SPATA1: variants seen among roughly 807,000 people sequenced by gnomAD.
SPATA1 encodes spermatogenesis-associated protein 1.
A neutral mutation model predicts 59.6 loss-of-function variants in SPATA1; 57 were observed. The ratio of observed to expected loss-of-function variants is 0.96; its 90% CI spans 0.77 to 1.19. The LOEUF (loss-of-function observed/expected upper bound fraction) is 1.19. SPATA1 is among the 50% of genes most tolerant of loss of function. The pLI, the probability that SPATA1 is intolerant of heterozygous loss-of-function variation, is 0.00. For synonymous variants in SPATA1, 147 were observed against 163.9 expected, an observed-to-expected ratio of 0.90 and a Z score of 0.79; for missense variants, 448 against 480.7, an observed-to-expected ratio of 0.93 and a Z score of 0.64.
At chr1:84,516,739 T>TC (rs2101925645) in intron 2 of SPATA1, among the ~76,000 whole-genome samples, 1 of 152,330 alleles carries the variant, frequency 6.6e-6, no homozygotes, top group African/African-American at 2.4e-5. Flanking sequence ...CTCTCTCACT[T>TC]CATTGTGCTG....
intron 6 of SPATA1, among the ~76,000 whole-genome samples, chr1:84,531,993 G>C (rs1218388951): frequency 6.6e-6 from 1 of 152,110 alleles, no homozygotes; most frequent in Non-Finnish European, 1.5e-5. Flanking sequence ...TGTTTATATA[G>C]ACCATGTGGA....
chr1:84,508,140 G>A (rs564863930), intron 1 of SPATA1, among the ~76,000 whole-genome samples: 5 of 152,104 alleles, frequency 3.3e-5, no homozygotes, highest in Non-Finnish European at 7.4e-5. Context: ...TTAGCTGGGC[G>A]TGGTGGTGCG....
chr1:84,562,457 A>AT (rs1055369709), intron 4 of SPATA1, among the ~76,000 whole-genome samples: 2 of 152,174 alleles, frequency 1.3e-5, no homozygotes, highest in African/African-American at 4.8e-5. Flanking sequence ...GTTTGCAGTC[A>AT]TTTTTTTATA....
At chr1:84,513,535 A>AGCT (rs1233267770) in intron 1 of SPATA1, among the ~76,000 whole-genome samples, 1 of 152,270 alleles carries the variant, frequency 6.6e-6, no homozygotes, top group African/African-American at 2.4e-5. Flanking sequence ...AGCAACATAG[A>AGCT]GCAGCAGTGG....
Position 84,510,289 on chromosome 1 carries a change from T to TA in SPATA1, c.-138+3873dup, listed in dbSNP as rs1682479430. 3.3e-5 allele frequency among the ~76,000 whole-genome samples: 5 copies of TA among 152,164 alleles called. No homozygotes were observed. In the South Asian group the frequency reaches 6.2e-4, roughly 19 times the overall value. ...ATAAAGGATTTATAACCAGAATATATAAGGAGCTCAACTATATAGGAAAAA... is the reference window on the plus strand; with the variant it reads ...ATAAAGGATTTATAACCAGAATATATAAAGGAGCTCAACTATATAGGAAAAA... On this transcript the variant is annotated intron_variant, in intron 1 of 12. Transcript: ENST00000490879.
chr1:84,552,234 G>T (rs1363224523), intron 12 of SPATA1: 1 of 152,242 alleles, frequency 6.6e-6, no homozygotes, highest in South Asian at 2.1e-4. Context: ...ATTTATTCAA[G>T]ATAGTATAGC....
intron 4 of SPATA1, chr1:84,563,330 A>G: frequency 1.3e-6 from 2 of 1,599,780 alleles, no homozygotes; most frequent in Non-Finnish European, 1.7e-6. Context: ...TATTTGCTTC[A>G]TGATCGTTTT....
chr1:84,530,900 T>C (rs1335760668), intron 6 of SPATA1, among the ~76,000 whole-genome samples: 1 of 152,216 alleles, frequency 6.6e-6, no homozygotes, highest in Non-Finnish European at 1.5e-5. Context: ...TTTGCTTAAA[T>C]TCCTCCTACT....
chr1:84,561,203 A>C (rs1478995622), intron 4 of SPATA1, among the ~76,000 whole-genome samples: 24 of 152,216 alleles, frequency 1.6e-4, no homozygotes. Context: ...TCAAAATATC[A>C]ACATTAACAG....
chr1:84,541,117 A>C lies in SPATA1; in HGVS notation c.718-3085A>C, dbSNP rs903355438. ...TTGATTTTCTTTGTAAACTGACTTG[A>C]GTATTTTTGCCTGGAAGGTCAGAGA... On this transcript the variant is annotated intron_variant, in intron 8 of 12. Transcript: ENST00000490879. 2.6e-5 allele frequency among the ~76,000 whole-genome samples: 4 copies of C among 152,320 alleles called. No homozygotes were observed. In the East Asian group the frequency reaches 7.7e-4, roughly 29 times the overall value.
intron 2 of SPATA1, among the ~76,000 whole-genome samples, chr1:84,517,802 C>T (rs1430234219): frequency 6.6e-6 from 1 of 152,064 alleles, no homozygotes; most frequent in African/African-American, 2.4e-5. Flanking sequence ...ACCTTTACTG[C>T]TAGCACGTGA....
At chr1:84,529,880 C>T (rs1174489281) in intron 6 of SPATA1, among the ~76,000 whole-genome samples, 7 of 145,288 alleles carry the variant, frequency 4.8e-5, no homozygotes, top group African/African-American at 1.5e-4. Context: ...TTTTGGAGAC[C>T]GAGTCTCGCT....
intron 8 of SPATA1, among the ~76,000 whole-genome samples, chr1:84,535,484 T>C (rs959003108): frequency 2.0e-5 from 3 of 152,166 alleles, no homozygotes; most frequent in African/African-American, 7.2e-5. Context: ...ACAATATATT[T>C]CTCTATTTAT....
exon 9 of SPATA1, chr1:84,544,211 A>G (rs12143652): frequency 0.23 from 358,559 of 1,592,274 alleles, 42,140 homozygotes; most frequent in South Asian, 0.36. Flanking sequence ...GACAGCTGAA[A>G]AAGAGTACAT....
At chr1:84,514,730 G>A (rs755445560) in intron 1 of SPATA1, among the ~76,000 whole-genome samples, 5 of 152,158 alleles carry the variant, frequency 3.3e-5, no homozygotes, top group Non-Finnish European at 7.3e-5. Context: ...CAGCACTTTG[G>A]GAGGCCGAGA....
intron 7 of SPATA1, 92 bp from the exon 8 acceptor site, chr1:84,533,617 T>C: frequency 9.7e-7 from 1 of 1,030,826 alleles, no homozygotes; most frequent in South Asian, 1.5e-5. Context: ...TATTTGTGTT[T>C]ACAGAGCATC....
chr1:84,553,043 A>G, exon 13 of SPATA1: 1 of 1,524,636 alleles, frequency 6.6e-7, no homozygotes, highest in East Asian at 2.5e-5. Flanking sequence ...AGATGAGAAA[A>G]CAAGCAGTTT....
chr1:84,547,718 C>T (rs3021402), intron 10 of SPATA1, among the ~76,000 whole-genome samples: 43,437 of 151,872 alleles, frequency 0.29, 6,503 homozygotes, highest in South Asian at 0.38. Flanking sequence ...GCCTGAAATA[C>T]GACCAGTGCT....
chr1:84,527,256 T>C (rs1050884236), intron 6 of SPATA1, among the ~76,000 whole-genome samples: 2 of 152,178 alleles, frequency 1.3e-5, no homozygotes, highest in East Asian at 3.8e-4. Flanking sequence ...AGTTTATTTT[T>C]TAATGTAATA....
Sources: gnomAD v4.1 joint callset for allele counts (sites outside exome capture counted in the v4.1 genomes callset) on GRCh38, gnomAD v4.1.1 for gene constraint, MANE v1.5 for transcripts, NCBI Gene and HGNC (gene_info 2026-07-23, HGNC 2026-07-21) for gene names.